The following ZSCAN18 variants were observed in gnomAD, a reference collection of about 807,000 sequenced individuals.
ZSCAN18 encodes the protein zinc finger and SCAN domain containing 18.
ZSCAN18 carries 16 observed loss-of-function variants against 31.1 expected under a neutral mutation model. That is an observed-to-expected ratio of 0.51 (90% CI 0.35 to 0.78). The LOEUF is 0.78. Ranked by LOEUF, ZSCAN18 falls within the 30% of genes least tolerant of loss-of-function variation. The pLI is 0.01. For synonymous variants in ZSCAN18, 375 were observed against 320.7 expected (o/e 1.17, Z -1.81); for missense variants, 731 against 697.4 (o/e 1.05, Z -0.54).
chr19:58,088,725 G>A lies in ZSCAN18; in HGVS notation c.516C>T (p.Ala172=), dbSNP rs750555447. ...GTGCCGGGATCTCCCCAGCTCCAAG[G>A]GCCTGGCTGGGGCTCGCGAGCTCGC... The part of the protein sequence containing the change: ...LPGELASPSQ[A]LGAGEIPAPS... Residue 172 remains alanine, a synonymous_variant, in exon 3 of 7, where the codon GCC becomes GCT. Coordinates refer to ENST00000601144, the MANE Select transcript of ZSCAN18 (RefSeq NM_001145543.2). The A allele has an allele frequency of 6.2e-7, 1 of 1,611,646 alleles. No homozygotes were observed. Among genetic ancestry groups the A allele is most frequent in the African/African-American group, 1.3e-5 (1 of 75,034 alleles).
intron 1 of ZSCAN18, among the ~76,000 whole-genome samples, chr19:58,116,572 T>C (rs2074731651): frequency 6.6e-6 from 1 of 152,102 alleles, no homozygotes; most frequent in Non-Finnish European, 1.5e-5. Flanking sequence ...CCAATCTCTA[T>C]CCACTGCCCA....
At chr19:58,100,810 G>C (rs2074587111), upstream of ZSCAN18, among the ~76,000 whole-genome samples, 2 of 152,126 alleles carry the variant, frequency 1.3e-5, no homozygotes, top group African/African-American at 4.8e-5. Flanking sequence ...GGAAGGCAGG[G>C]GCTGCAGTGA....
At position 58,084,397 on chromosome 19, in the gene ZSCAN18, T is replaced by A; in HGVS notation, c.*288A>T. 2.6e-6 allele frequency: 1 copy of A among 384,478 alleles called. No individual in the cohort carries two copies. The highest frequency in any genetic ancestry group is 7.5e-5 in the South Asian group (1 of 13,326). The allele number at this position is 384,478 out of a possible 1,614,324, so 23.8% of individuals were successfully genotyped here. On this transcript the variant is annotated 3_prime_UTR_variant, in exon 7 of 7. Coordinates refer to ENST00000601144, the MANE Select transcript of ZSCAN18 (RefSeq NM_001145543.2). This position sits in a 1 kb window ranked among gnomAD's most constrained non-coding sequence, Gnocchi z 4.5. The stretch of plus-strand genomic sequence containing the variant: ...CTACACTGCACAATGTCAAATAACC[T>A]AGCATGGGGCGGCACTAAATGGCTG...
intron 1 of ZSCAN18, among the ~76,000 whole-genome samples, chr19:58,105,739 G>C (rs2074629707): frequency 2.6e-5 from 4 of 152,146 alleles, no homozygotes; most frequent in Admixed American, 2.0e-4. Flanking sequence ...CAGCACTTTG[G>C]GAGGTTGAAG....
chr19:58,105,696 G>T (rs1341035550), intron 1 of ZSCAN18, among the ~76,000 whole-genome samples: 1 of 151,568 alleles, frequency 6.6e-6, no homozygotes, highest in East Asian at 2.0e-4. Flanking sequence ...AATGCAGTTT[G>T]CAGCTATGCG....
chr19:58,096,242 AC>A (rs1269674560), intron 1 of ZSCAN18, among the ~76,000 whole-genome samples: 4 of 151,974 alleles, frequency 2.6e-5, no homozygotes, highest in Non-Finnish European at 4.4e-5. Context: ...AAATAGAGAT[AC>A]CACTGGGACC....
At chr19:58,102,244 G>T (rs1049702709), upstream of ZSCAN18, among the ~76,000 whole-genome samples, 1 of 152,068 alleles carries the variant, frequency 6.6e-6, no homozygotes, top group African/African-American at 2.4e-5. Flanking sequence ...TGCTCACGAG[G>T]TCAGGAGATT....
rs113999243 is a variant in ZSCAN18 at position 58,091,213 on chromosome 19, A to G, written c.-119-827T>C. On this transcript the variant is annotated intron_variant, in intron 1 of 6. Transcript: ENST00000601144. The stretch of plus-strand genomic sequence containing the variant: ...GAACCCTGAGGCAGAGGTTGCAGTA[A>G]GCCGAGACTGCGTCACTGCACTCCA... Among the ~76,000 whole-genome samples the G allele has an allele frequency of 4.7e-3, 712 of 150,952 alleles. 6 individuals carry two copies. Among genetic ancestry groups the G allele is most frequent in the African/African-American group, 0.016 (671 of 41,154 alleles).
Position 58,094,877 on chromosome 19 carries a change from C to CA in ZSCAN18, c.-120+3296dup, listed in dbSNP as rs56377325. 7.7e-3 allele frequency among the ~76,000 whole-genome samples: 271 copies of CA among 35,274 alleles called. 6 individuals are homozygous for CA. The highest frequency in any genetic ancestry group is 0.022 in the African/African-American group (222 of 9,890). 23.1% of individuals were successfully genotyped at this position (35,274 alleles called of 152,430 possible). ...TGGGTAACAGAGTGAGACCCTGTCG[C>CA]AAAAAAAAAAAAAAAAAAAAAAAAA... On this transcript the variant is annotated intron_variant, in intron 1 of 6. Transcript: ENST00000601144.
chr19:58,106,620 C>T (rs867452461), intron 1 of ZSCAN18, among the ~76,000 whole-genome samples: 857 of 29,976 alleles, frequency 0.029, 261 homozygotes, highest in African/African-American at 0.068. Flanking sequence ...AGGAGAATGG[C>T]GTGAACCCGG....
chr19:58,118,328 C>A (rs1377131969), exon 1 of ZSCAN18: 4 of 1,531,090 alleles, frequency 2.6e-6, no homozygotes, highest in Non-Finnish European at 3.5e-6. Context: ...CCCGAGAGGC[C>A]GCGAGAGGAC....
At chr19:58,087,504 G>A (rs1440427840) in intron 3 of ZSCAN18, 100 bp from the exon 4 acceptor site, 2 of 1,032,190 alleles carry the variant, frequency 1.9e-6, no homozygotes, top group Non-Finnish European at 2.8e-6. Context: ...AGGCCCCAGT[G>A]TGCTTCTGTG....
rs968452193 is a variant in ZSCAN18 at position 58,111,084 on chromosome 19, C to T, written c.130+7183G>A. Reference sequence around the variant, plus strand: ...TCGGGAGGCTGAGGCAGGAGAATGGCGTGAACCCGGGAGGCGGAGCTTGCA... The same window carrying T: ...TCGGGAGGCTGAGGCAGGAGAATGGTGTGAACCCGGGAGGCGGAGCTTGCA... On this transcript the variant is annotated intron_variant, in intron 1 of 1. Transcript: ENST00000595721. 5.1e-4 allele frequency among the ~76,000 whole-genome samples: 77 copies of T among 152,046 alleles called. 1 individual carries two copies. The highest frequency in any genetic ancestry group is 1.6e-4 in the Non-Finnish European group (11 of 68,012).
chr19:58,103,911 C>G (rs989949852), intron 1 of ZSCAN18, among the ~76,000 whole-genome samples: 2 of 152,168 alleles, frequency 1.3e-5, no homozygotes, highest in African/African-American at 4.8e-5. Context: ...ATGTGAATGA[C>G]AAGAAACTGA....
chr19:58,093,369 C>G (rs1273784235), intron 1 of ZSCAN18: 1 of 152,332 alleles, frequency 6.6e-6, no homozygotes, highest in East Asian at 1.9e-4. Context: ...TGTGGACCCT[C>G]ATGTCCATCT....
In ZSCAN18 at chr19:58,084,602, C is replaced by A. The variant is rs2074220595; in HGVS notation, c.*83G>T. ...CACAAACACCACAGGAAGCCGCCAC[C>A]CAGGGGCGTGGAAAGGCCCAATGCC... is the stretch of plus-strand genomic sequence containing the variant. On this transcript the variant is annotated 3_prime_UTR_variant, in exon 7 of 7. Transcript: ENST00000601144. The surrounding 1 kb of genome is among the most constrained non-coding windows in gnomAD (Gnocchi z 4.5). 1.5e-6 allele frequency: 2 copies of A among 1,322,386 alleles called. No individual in the cohort carries two copies. Among genetic ancestry groups the A allele is most frequent in the African/African-American group, 3.0e-5 (2 of 65,740 alleles). The allele number at this position is 1,322,386 out of a possible 1,614,324, so 81.9% of individuals were successfully genotyped here. A position where few individuals can be genotyped will look rare whatever the true frequency, so the allele number is the denominator to read the frequency against.
At chr19:58,101,746 T>C (rs12984254), upstream of ZSCAN18, among the ~76,000 whole-genome samples, 85,075 of 151,352 alleles carry the variant, frequency 0.56, 25,809 homozygotes, top group Non-Finnish European at 0.68. Context: ...TCTCAAACTC[T>C]TGACCTCAGG....
At chr19:58,107,526 A>C in intron 1 of ZSCAN18, 4 of 381,732 alleles carry the variant, frequency 1.0e-5, no homozygotes, top group Non-Finnish European at 1.4e-5. Flanking sequence ...ACACTACTGC[A>C]CTGCAGCCTG....
chr19:58,100,483 G>A (rs142769232), upstream of ZSCAN18, among the ~76,000 whole-genome samples: 614 of 152,268 alleles, frequency 4.0e-3, 5 homozygotes, highest in Non-Finnish European at 5.8e-3. Flanking sequence ...ATATCTATGG[G>A]TCCCACTGGA....
Sources: allele counts gnomAD v4.1 joint callset (sites outside exome capture counted in the v4.1 genomes callset), GRCh38; gene constraint gnomAD v4.1.1; non-coding constraint Gnocchi (gnomAD v3.1); transcripts MANE v1.5; gene names NCBI Gene and HGNC (gene_info 2026-07-23, HGNC 2026-07-21).